Variants in CFAP57 observed in about 807,000 individuals in gnomAD.
CFAP57 encodes the protein cilia and flagella associated protein 57, also known as cilia- and flagella-associated protein 57.
CFAP57 carries 116 observed loss-of-function variants against 146.8 expected under a neutral mutation model. The ratio of observed to expected loss-of-function variants is 0.79; its 90% CI spans 0.68 to 0.92. The LOEUF is 0.92. Among genes scored for constraint, CFAP57 ranks in the 40% least tolerant of loss-of-function variants. The pLI is 0.00. For missense variants in CFAP57, 1,377 were observed against 1,527.2 expected, an observed-to-expected ratio of 0.90 and a Z score of 1.64; for synonymous variants, 518 against 552.8, an observed-to-expected ratio of 0.94 and a Z score of 0.88.
intron 10 of CFAP57, 108 bp downstream of exon 10, chr1:43,207,040 GC>G (rs1255156498): frequency 2.3e-5 from 26 of 1,114,096 alleles, no homozygotes; most frequent in Non-Finnish European, 3.3e-5. Flanking sequence ...TGCATACAGG[GC>G]CCCTTCTTCC....
chr1:43,253,018 A>G (rs752136805), intron 22 of CFAP57, among the ~76,000 whole-genome samples: 4 of 152,184 alleles, frequency 2.6e-5, no homozygotes, highest in Admixed American at 2.0e-4. Flanking sequence ...CAACATTACA[A>G]TAAGGTACAG....
At chr1:43,232,654 T>G (rs1404203704) in intron 19 of CFAP57, 30 bp downstream of exon 19, 8 of 1,475,306 alleles carry the variant, frequency 5.4e-6, no homozygotes, top group Non-Finnish European at 7.3e-6. Flanking sequence ...TGGCAGTTCT[T>G]GGATTCGGGA....
At chr1:43,244,998 A>G (rs1227051047) in intron 22 of CFAP57, among the ~76,000 whole-genome samples, 1 of 151,930 alleles carries the variant, frequency 6.6e-6, no homozygotes, top group East Asian at 1.9e-4. Context: ...GATGTGAACA[A>G]TTGCAAAACT....
At chr1:43,177,459 A>T (rs2124229005) in intron 2 of CFAP57, among the ~76,000 whole-genome samples, 1 of 152,150 alleles carries the variant, frequency 6.6e-6, no homozygotes, top group Middle Eastern at 3.4e-3. Context: ...ATTTTCATGG[A>T]GATGCTCAGT....
intron 12 of CFAP57, among the ~76,000 whole-genome samples, chr1:43,217,317 C>T (rs1422860705): frequency 6.6e-6 from 1 of 152,094 alleles, no homozygotes; most frequent in Non-Finnish European, 1.5e-5. Context: ...GAATAATCTG[C>T]AGCAATGTGA....
chr1:43,196,095 T>C (rs906465757), intron 6 of CFAP57, among the ~76,000 whole-genome samples: 5 of 152,204 alleles, frequency 3.3e-5, no homozygotes, highest in African/African-American at 1.2e-4. Flanking sequence ...AGAATGTGAA[T>C]TTATTGAAAA....
At position 43,224,155 on chromosome 1, in the gene CFAP57, A is replaced by G; in HGVS notation, c.2816A>G (p.Gln939Arg). Residue 939 changes from glutamine (Q) to arginine (R), a missense_variant, in exon 17 of 23, where the codon CAA (glutamine) becomes CGA (arginine). Physicochemically the swap from Gln to Arg is conservative, Grantham distance 43. Transcript: ENST00000372492. ...GVIKSLEKDI[Q>R]GLKREIQERD... ...ATTAAGTCTCTGGAGAAGGACATCC[A>G]AGGCCTCAAGCGAGAGATCCAGGAA... 1.3e-6 allele frequency: 2 copies of G among 1,550,108 alleles called. No homozygotes were observed. Among genetic ancestry groups the G allele is most frequent in the Non-Finnish European group, 1.7e-6 (2 of 1,146,740 alleles).
chr1:43,172,717 T>A lies in CFAP57; in HGVS notation c.-19-18T>A. 1 of 1,612,910 alleles carries A rather than the reference T, an allele frequency of 6.2e-7. No homozygotes were observed. ...GGCGGTGCTCTCCACTCTGAAGCGC[T>A]GCCTTGGTCTTCAGCAGAACTGTTT... On this transcript the variant is annotated intron_variant, in intron 1 of 22. Transcript: ENST00000372492.
chr1:43,219,362 C>T lies in CFAP57; in HGVS notation c.2092-20C>T. On this transcript the variant is annotated intron_variant, in intron 12 of 22. Transcript: ENST00000372492. ...ACCCTTACTGTCAGTGTTCTTGATC[C>T]TTCTGTCCTTCTCCCAAAGGCTCAG... 3.2e-6 allele frequency: 5 copies of T among 1,545,638 alleles called. No homozygotes were observed. The highest frequency in any genetic ancestry group is 4.4e-6 in the Non-Finnish European group (5 of 1,143,978).
Position 43,215,419 on chromosome 1 carries a change from A to G in CFAP57, c.2091+3A>G, listed in dbSNP as rs1045831907. 10 of 1,550,352 alleles carry G rather than the reference A, an allele frequency of 6.5e-6. No homozygotes were observed. Among genetic ancestry groups the G allele is most frequent in the Admixed American group, 2.0e-5 (1 of 50,998 alleles). On this transcript the variant is annotated splice_donor_region_variant and intron_variant, in intron 12 of 22. Transcript: ENST00000372492. ...CTAAAACAGACATGGAAGAAAAGGT[A>G]AGAACTGGATCTAATGAAGAGGGAT... is the stretch of plus-strand genomic sequence containing the variant.
At chr1:43,226,913 T>G in intron 17 of CFAP57, 70 bp from the exon 18 acceptor site, 1 of 1,415,480 alleles carries the variant, frequency 7.1e-7, no homozygotes, top group Non-Finnish European at 9.3e-7. Flanking sequence ...TTCGTGCTCT[T>G]TTGCCCTAAA....
rs1352038792 is a variant in CFAP57, at chr1:43,185,367, A to G, written c.969+11A>G. ...AGCAGAGAAATCAGGGTAAGGCGGG[A>G]AGAAAAAAAAGAAGTAAAATGGGGG... is the stretch of plus-strand genomic sequence containing the variant. On this transcript the variant is annotated intron_variant, in intron 5 of 22. Transcript: ENST00000372492. The G allele has an allele frequency of 4.3e-6, 7 of 1,612,974 alleles. No homozygotes were observed. The highest frequency in any genetic ancestry group is 5.9e-6 in the Non-Finnish European group (7 of 1,179,200).
At chr1:43,193,965 A>G (rs1245522906) in intron 6 of CFAP57, among the ~76,000 whole-genome samples, 3 of 152,152 alleles carry the variant, frequency 2.0e-5, no homozygotes, top group Non-Finnish European at 2.9e-5. Flanking sequence ...AGTATATTAT[A>G]TGCATATTGT....
chr1:43,176,955 G>A (rs1645196390), intron 2 of CFAP57, among the ~76,000 whole-genome samples: 1 of 152,028 alleles, frequency 6.6e-6, no homozygotes, highest in Admixed American at 6.6e-5. Context: ...AGGCCAGTGT[G>A]GCTGGAGTGG....
intron 22 of CFAP57, among the ~76,000 whole-genome samples, chr1:43,245,445 A>G (rs958973705): frequency 6.6e-6 from 1 of 152,132 alleles, no homozygotes; most frequent in African/African-American, 2.4e-5. Context: ...GGAGATTTCC[A>G]GACATATACA....
chr1:43,211,050 G>A (rs1644586654), intron 11 of CFAP57, among the ~76,000 whole-genome samples: 1 of 151,874 alleles, frequency 6.6e-6, no homozygotes, highest in Non-Finnish European at 1.5e-5. Context: ...GAATGACACA[G>A]CACCTGAGGT....
At chr1:43,207,012 G>A (rs1644387362) in intron 10 of CFAP57, 80 bp downstream of exon 10, 1 of 1,461,908 alleles carries the variant, frequency 6.8e-7, no homozygotes, top group Non-Finnish European at 9.5e-7. Flanking sequence ...CACAAAGTAT[G>A]CACGGAATGA....
Position 43,238,955 on chromosome 1 carries a change from AC to A in CFAP57, c.3406-4269del, listed in dbSNP as rs542888595. Among the ~76,000 whole-genome samples the A allele has an allele frequency of 3.3e-5, 5 of 152,068 alleles. No individual in the cohort carries two copies. In the East Asian group the frequency reaches 9.7e-4, roughly 30 times the overall value. The stretch of plus-strand genomic sequence containing the variant: ...TGATACATTTGCAGTGATCCAATCA[AC>A]CCTTGCAATTGTGGTTACTCTTATT... On this transcript the variant is annotated intron_variant, in intron 21 of 22. Transcript: ENST00000372492. The surrounding 1 kb of genome is among the most constrained non-coding windows in gnomAD (Gnocchi z 4.3).
chr1:43,207,350 A>G (rs969079948), intron 10 of CFAP57, among the ~76,000 whole-genome samples: 1 of 152,224 alleles, frequency 6.6e-6, no homozygotes, highest in Admixed American at 6.5e-5. Flanking sequence ...TTGTAATGCC[A>G]TAAGATTATA....
Sources: allele counts gnomAD v4.1 joint callset (sites outside exome capture counted in the v4.1 genomes callset), GRCh38; gene constraint gnomAD v4.1.1; non-coding constraint Gnocchi (gnomAD v3.1); transcripts MANE v1.5; gene names NCBI Gene and HGNC (gene_info 2026-07-23, HGNC 2026-07-21).